DPF1: variants seen among roughly 807,000 people sequenced by gnomAD.
The protein encoded by DPF1 is zinc finger protein neuro-d4.
A neutral mutation model predicts 58.7 loss-of-function variants in DPF1; 14 were observed. The observed-to-expected ratio is 0.24, with a 90% CI of 0.16 to 0.37. The LOEUF is 0.37. DPF1 is among the 10% of genes least tolerant of loss of function. The pLI is 1.00. For synonymous variants in DPF1, 216 were observed against 216.0 expected (o/e 1.00, Z 0.00); for missense variants, 345 against 529.9 (o/e 0.65, Z 3.43).
At chr19:38,227,067 T>A (rs1600294909), upstream of DPF1, among the ~76,000 whole-genome samples, 1 of 150,566 alleles carries the variant, frequency 6.6e-6, no homozygotes, top group African/African-American at 2.4e-5. Context: ...TCTCTTTCTT[T>A]CCTCTTTCTC....
At chr19:38,221,259 C>G (rs562944615) in intron 3 of DPF1, among the ~76,000 whole-genome samples, 1 of 152,136 alleles carries the variant, frequency 6.6e-6, no homozygotes. Context: ...GGCAGATGGC[C>G]GGGCATGGTG....
At chr19:38,224,317 G>T (rs969592903), upstream of DPF1, 26 of 1,250,518 alleles carry the variant, frequency 2.1e-5, no homozygotes, top group African/African-American at 3.7e-4. The surrounding 1 kb of genome is among the most constrained non-coding windows in gnomAD (Gnocchi z 4.5). Context: ...GGTAGTCCCA[G>T]GCCAGGGGGC....
chr19:38,221,993 G>A (rs908586451), intron 3 of DPF1, among the ~76,000 whole-genome samples: 2 of 152,104 alleles, frequency 1.3e-5, no homozygotes, highest in Admixed American at 6.5e-5. Flanking sequence ...AGGCAGAATC[G>A]CTTGAACCTG....
At chr19:38,219,211 T>A in intron 3 of DPF1, 153 bp from the exon 4 acceptor site, 1 of 1,125,226 alleles carries the variant, frequency 8.9e-7, no homozygotes, top group Non-Finnish European at 1.2e-6. Context: ...GCCCAGACTC[T>A]GGGGAGACCC....
In DPF1 at chr19:38,218,968, A is replaced by G. The variant is rs1967245441; in HGVS notation, c.389T>C (p.Ile130Thr). Residue 130 changes from isoleucine (I) to threonine (T), a missense_variant, in exon 4 of 12, where the codon ATT becomes ACT. Ile to Thr is a moderately conservative substitution (Grantham distance 89, BLOSUM62 -1). Coordinates refer to ENST00000355526, the MANE Select transcript of DPF1 (RefSeq NM_001135155.3). ...LLCAETGEKK[I>T]ELKEEETIMD... ...AATGGTCTCCTCCTCCTTCAGCTCA[A>G]TCTTCTTCTCCCCCGTCTCTGCACA... The G allele has an allele frequency of 1.2e-6, 2 of 1,614,178 alleles. No homozygotes were observed. Among genetic ancestry groups the G allele is most frequent in the Non-Finnish European group, 1.7e-6 (2 of 1,180,018 alleles).
chr19:38,218,542 A>G, intron 5 of DPF1, 31 bp downstream of exon 5: 2 of 1,605,570 alleles, frequency 1.2e-6, no homozygotes, highest in Non-Finnish European at 1.7e-6. Context: ...CATTGAGGGG[A>G]GCGGGGAAGA....
chr19:38,220,197 A>AGGAGG (rs1456960120), intron 3 of DPF1, among the ~76,000 whole-genome samples: 1 of 150,554 alleles, frequency 6.6e-6, no homozygotes, highest in East Asian at 1.9e-4. Context: ...GAAGGAAGGA[A>AGGAGG]GGAGGGAAAG....
chr19:38,227,027 T>G (rs1967860574), upstream of DPF1, among the ~76,000 whole-genome samples: 1 of 137,160 alleles, frequency 7.3e-6, no homozygotes, highest in South Asian at 2.3e-4. Flanking sequence ...CCTTCCTTCC[T>G]TCCTTCCTTT....
chr19:38,215,321 G>A (rs1351833846), intron 9 of DPF1, among the ~76,000 whole-genome samples: 3 of 151,418 alleles, frequency 2.0e-5, no homozygotes, highest in African/African-American at 7.3e-5. Flanking sequence ...TGAAACCCCC[G>A]TCTCTACTAA....
In DPF1 at chr19:38,222,928, G is replaced by A. The variant is rs2278434; in HGVS notation, c.30-220C>T. 0.18 allele frequency: 102,763 copies of A among 556,860 alleles called. 10,738 individuals are homozygous for A. Among genetic ancestry groups the A allele is most frequent in the African/African-American group, 0.3 (14,777 of 49,726 alleles). The allele number at this position is 556,860 out of a possible 1,614,324, so 34.5% of individuals were successfully genotyped here. Reference sequence around the variant, plus strand: ...GGACTCAAACAGGCCCCCAGCTCATGAGTAGAAACACGATACAGAAACAAA... The same window carrying A: ...GGACTCAAACAGGCCCCCAGCTCATAAGTAGAAACACGATACAGAAACAAA... On this transcript the variant is annotated intron_variant, in intron 1 of 11. Transcript: ENST00000355526. This position sits in a 1 kb window ranked among gnomAD's most constrained non-coding sequence, Gnocchi z 4.9.
At position 38,222,177 on chromosome 19, in the gene DPF1, G is replaced by A. The variant is rs1262195796; in HGVS notation, c.298+180C>T. Among the ~76,000 whole-genome samples, 4 of 152,050 alleles carry A rather than the reference G, an allele frequency of 2.6e-5. No individual in the cohort carries two copies. The highest frequency in any genetic ancestry group is 9.7e-5 in the African/African-American group (4 of 41,420). The stretch of plus-strand genomic sequence containing the variant: ...GGCCCATGTAGGAGGAGATGCAGTC[G>A]CCACTCAGTGACTCAGAGAAACTGT... On this transcript the variant is annotated intron_variant, in intron 3 of 11. Coordinates refer to ENST00000355526, the MANE Select transcript of DPF1 (RefSeq NM_001135155.3). This position sits in a 1 kb window ranked among gnomAD's most constrained non-coding sequence, Gnocchi z 4.9.
rs1411102138 is a variant in DPF1 at position 38,216,347 on chromosome 19, C to G, written c.778+6G>C. 2 of 1,604,208 alleles carry G rather than the reference C, an allele frequency of 1.2e-6. No individual in the cohort carries two copies. Among genetic ancestry groups the G allele is most frequent in the East Asian group, 2.2e-5 (1 of 44,728 alleles). On this transcript the variant is annotated splice_donor_region_variant and intron_variant, in intron 8 of 11. Transcript: ENST00000355526. Reference sequence around the variant, plus strand: ...AGACTTTAGGAGCAGAAGGAGGCATCCGTACCTGTGTGTTTCCTTTGTGCC... The same window carrying G: ...AGACTTTAGGAGCAGAAGGAGGCATGCGTACCTGTGTGTTTCCTTTGTGCC...
At chr19:38,212,994 T>G (rs1235465282) in intron 10 of DPF1, among the ~76,000 whole-genome samples, 3 of 150,894 alleles carry the variant, frequency 2.0e-5, no homozygotes, top group African/African-American at 7.3e-5. Context: ...TGTTTGTTTT[T>G]TTTTTTTTTG....
Position 38,222,769 on chromosome 19 carries a change from G to A in DPF1, c.30-61C>T. On this transcript the variant is annotated intron_variant, in intron 1 of 11. Coordinates refer to ENST00000355526, the MANE Select transcript of DPF1 (RefSeq NM_001135155.3). This position sits in a 1 kb window ranked among gnomAD's most constrained non-coding sequence, Gnocchi z 4.9. ...AAGGGCAGGCGCACAGGGTCGCCCA[G>A]CACCCCTTCCCCGGCTGCCGGGCCG... is the stretch of plus-strand genomic sequence containing the variant. The A allele has an allele frequency of 6.8e-7, 1 of 1,462,550 alleles. No homozygotes were observed. Among genetic ancestry groups the A allele is most frequent in the Non-Finnish European group, 9.0e-7 (1 of 1,106,128 alleles). The allele number at this position is 1,462,550 out of a possible 1,614,324, so 90.6% of individuals were successfully genotyped here. A position where few individuals can be genotyped will look rare whatever the true frequency, so the allele number is the denominator to read the frequency against.
At chr19:38,225,957 T>C (rs1469182046), upstream of DPF1, among the ~76,000 whole-genome samples, 1 of 151,990 alleles carries the variant, frequency 6.6e-6, no homozygotes, top group African/African-American at 2.4e-5. Context: ...CATCATGTGC[T>C]GGGCACAGTT....
At chr19:38,217,118 G>T (rs1401387116) in intron 7 of DPF1, among the ~76,000 whole-genome samples, 1 of 152,148 alleles carries the variant, frequency 6.6e-6, no homozygotes, top group East Asian at 1.9e-4. Flanking sequence ...GGAAGCCAAG[G>T]GCTCCCAGGC....
chr19:38,226,259 C>T (rs1436037788), upstream of DPF1, among the ~76,000 whole-genome samples: 1 of 147,372 alleles, frequency 6.8e-6, no homozygotes, highest in Non-Finnish European at 1.5e-5. Flanking sequence ...CGTCTCACCC[C>T]TCCTCCCCCT....
intron 10 of DPF1, among the ~76,000 whole-genome samples, chr19:38,212,822 C>T (rs1328474677): frequency 1.4e-5 from 2 of 140,458 alleles, no homozygotes; most frequent in Non-Finnish European, 3.0e-5. Context: ...CACTATGTTG[C>T]CCAGGCTGGT....
At chr19:38,218,435 C>A in intron 5 of DPF1, 138 bp downstream of exon 5, 2 of 824,572 alleles carry the variant, frequency 2.4e-6, no homozygotes, top group South Asian at 1.6e-5. Flanking sequence ...TAAAATCCCC[C>A]ACCCCTGCAG....
Sources: gnomAD v4.1 joint callset for allele counts (sites outside exome capture counted in the v4.1 genomes callset) on GRCh38, gnomAD v4.1.1 for gene constraint, Gnocchi (gnomAD v3.1) non-coding constraint, MANE v1.5 for transcripts, NCBI Gene and HGNC (gene_info 2026-07-23, HGNC 2026-07-21) for gene names.